Variants in INTS2 observed in about 807,000 individuals in gnomAD.
INTS2 encodes the protein integrator complex subunit 2.
A neutral mutation model predicts 139.6 loss-of-function variants in INTS2; 57 were observed. The observed-to-expected ratio is 0.41, with a 90% CI of 0.33 to 0.51. INTS2 has a LOEUF of 0.51. Ranked by LOEUF, INTS2 falls within the 20% of genes least tolerant of loss-of-function variation. The pLI, the probability that INTS2 is intolerant of heterozygous loss-of-function variation, is 0.28. For missense variants in INTS2, 1,196 were observed against 1,436.7 expected (o/e 0.83, Z 2.71); for synonymous variants, 473 against 493.4 (o/e 0.96, Z 0.55).
rs1195924829 is a variant in INTS2, at chr17:61,865,700, C to T, written c.*1857G>A. 1.3e-5 allele frequency: 2 copies of T among 150,404 alleles called. No homozygotes were observed. Among genetic ancestry groups the T allele is most frequent in the Non-Finnish European group, 3.0e-5 (2 of 67,652 alleles). 9.3% of individuals were successfully genotyped at this position (150,404 alleles called of 1,614,324 possible). A position where few individuals can be genotyped will look rare whatever the true frequency, so the allele number is the denominator to read the frequency against. ...CTATTCACACAAAATATCGCAAGGC[C>T]TCAGTTTAAAAAAAAAAGGAGCAGT... On this transcript the variant is annotated 3_prime_UTR_variant, in exon 25 of 25. Coordinates refer to ENST00000251334, the MANE Select transcript of INTS2 (RefSeq NM_001351695.2). This position sits in a 1 kb window ranked among gnomAD's most constrained non-coding sequence, Gnocchi z 4.8.
intron 8 of INTS2, among the ~76,000 whole-genome samples, chr17:61,906,020 A>G (rs956992768): frequency 1.3e-5 from 2 of 152,158 alleles, no homozygotes; most frequent in Non-Finnish European, 2.9e-5. Flanking sequence ...TTATTGGCCA[A>G]CTGTCTCTTC....
chr17:61,890,969 C>T (rs1234799340), intron 14 of INTS2, among the ~76,000 whole-genome samples: 19 of 100,306 alleles, frequency 1.9e-4, no homozygotes, highest in African/African-American at 7.3e-4. Flanking sequence ...GGTGTCACAG[C>T]AAGACTCCAG....
At position 61,889,772 on chromosome 17, in the gene INTS2, T is replaced by G. The variant is rs753979047; in HGVS notation, c.1984+14A>C. 2.3e-6 allele frequency: 3 copies of G among 1,319,634 alleles called. No homozygotes were observed. Among genetic ancestry groups the G allele is most frequent in the Non-Finnish European group, 3.3e-6 (3 of 920,318 alleles). The allele number at this position is 1,319,634 out of a possible 1,614,324, so 81.7% of individuals were successfully genotyped here. A position where few individuals can be genotyped will look rare whatever the true frequency, so the allele number is the denominator to read the frequency against. ...TAAACTACCACTAGAACCACTCCTC[T>G]ACGTACAACTTACCTAAAGTCTTCG... On this transcript the variant is annotated intron_variant, in intron 15 of 24. Transcript: ENST00000251334.
In INTS2 at chr17:61,869,764, G is replaced by T; in HGVS notation, c.3003C>A (p.Pro1001=). ...GAAAGTGAACAAGCTTAGCAATGTT[G>T]GGATCTGCAATGTACATTTGGTGCA... is the stretch of plus-strand genomic sequence containing the variant. ...CLLHQMYIAD[P]NIAKLVHFQG... Residue 1001 remains proline, a synonymous_variant, in exon 21 of 25, where the codon CCC becomes CCA. Coordinates refer to ENST00000251334, the MANE Select transcript of INTS2 (RefSeq NM_001351695.2). This position sits in a 1 kb window ranked among gnomAD's most constrained non-coding sequence, Gnocchi z 5.4. 6.2e-7 allele frequency: 1 copy of T among 1,613,674 alleles called. No homozygotes were observed. The highest frequency in any genetic ancestry group is 1.1e-5 in the South Asian group (1 of 91,042).
At chr17:61,883,507 A>G (rs2079196379) in intron 16 of INTS2, among the ~76,000 whole-genome samples, 1 of 152,172 alleles carries the variant, frequency 6.6e-6, no homozygotes, top group African/African-American at 2.4e-5. Context: ...TAATCCTAGC[A>G]CTTTGGGAGG....
At chr17:61,906,830 C>CAAAAAAAA (rs60672452) in intron 8 of INTS2, among the ~76,000 whole-genome samples, 4 of 101,914 alleles carry the variant, frequency 3.9e-5, no homozygotes, top group Admixed American at 1.0e-4. Context: ...ACTAAAAATA[C>CAAAAAAAA]AAAAAAAAAA....
In INTS2 at chr17:61,893,713, A is replaced by G. The variant is rs1337292669; in HGVS notation, c.1698+52T>C. Reference sequence around the variant, plus strand: ...CCATCTCAAAAGAAAAAAAATATATATATAAAAATGTAGGGGCATGCTTTT... The same window carrying G: ...CCATCTCAAAAGAAAAAAAATATATGTATAAAAATGTAGGGGCATGCTTTT... On this transcript the variant is annotated intron_variant, in intron 13 of 24. Transcript: ENST00000251334. This position sits in a 1 kb window ranked among gnomAD's most constrained non-coding sequence, Gnocchi z 5.4. 7.5e-7 allele frequency: 1 copy of G among 1,327,064 alleles called. No homozygotes were observed. Among genetic ancestry groups the G allele is most frequent in the Non-Finnish European group, 9.9e-7 (1 of 1,012,578 alleles). The allele number at this position is 1,327,064 out of a possible 1,614,324, so 82.2% of individuals were successfully genotyped here.
intron 15 of INTS2, among the ~76,000 whole-genome samples, 185 bp downstream of exon 15, chr17:61,889,601 G>A (rs1236988949): frequency 6.6e-6 from 1 of 152,126 alleles, no homozygotes; most frequent in Non-Finnish European, 1.5e-5. Context: ...GCCATAAATC[G>A]TGGTTACATA....
chr17:61,869,339 A>T lies in INTS2; in HGVS notation c.3072T>A (p.Ile1024=), dbSNP rs778568009. 2 of 1,607,698 alleles carry T rather than the reference A, an allele frequency of 1.2e-6. No individual in the cohort carries two copies. Among genetic ancestry groups the T allele is most frequent in the Admixed American group, 1.7e-5 (1 of 59,282 alleles). ...CELLPLTVAG[I]PSMHICLDFI... ...AATCTAGACAGATGTGCATAGATGG[A>T]ATACCTGCGACCGTCAGAGGCAAAA... The change falls in exon 22 of 25, where the codon ATT becomes ATA. Residue 1024 remains isoleucine (I), a synonymous_variant. Transcript: ENST00000251334. This position sits in a 1 kb window ranked among gnomAD's most constrained non-coding sequence, Gnocchi z 5.4.
chr17:61,926,687 G>A (rs985625791), intron 1 of INTS2, 25 bp from the exon 2 acceptor site: 6 of 1,560,622 alleles, frequency 3.8e-6, no homozygotes, highest in Non-Finnish European at 5.2e-6. Flanking sequence ...ACAAATGAAA[G>A]TAGGAGTTTA....
intron 13 of INTS2, among the ~76,000 whole-genome samples, chr17:61,892,269 T>A (rs1603376937): frequency 6.6e-6 from 1 of 152,282 alleles, no homozygotes; most frequent in East Asian, 1.9e-4. Flanking sequence ...AAGCAACAAT[T>A]AAAAAGTGAT....
chr17:61,885,207 G>A, intron 15 of INTS2: 1 of 544,974 alleles, frequency 1.8e-6, no homozygotes, highest in South Asian at 2.6e-5. Flanking sequence ...AGCAAGATCT[G>A]GAAAATGTCC....
intron 17 of INTS2, among the ~76,000 whole-genome samples, chr17:61,879,699 A>T (rs896287152): frequency 4.6e-5 from 7 of 152,108 alleles, no homozygotes; most frequent in African/African-American, 9.7e-5. Context: ...AAATACAAAA[A>T]GTAGCTGGGT....
At chr17:61,924,064 A>G (rs1029383101) in intron 3 of INTS2, among the ~76,000 whole-genome samples, 1 of 152,220 alleles carries the variant, frequency 6.6e-6, no homozygotes, top group Non-Finnish European at 1.5e-5. Flanking sequence ...AATTTTACAA[A>G]GAAGATAACT....
At position 61,876,190 on chromosome 17, in the gene INTS2, AT is replaced by A. The variant is rs1235809297; in HGVS notation, c.2457-1153del. The stretch of plus-strand genomic sequence containing the variant: ...ATCTAAAAAGTAAAAATAAAAAATA[AT>A]TTTTTAAAAAATGAACTAGAATTCC... On this transcript the variant is annotated intron_variant, in intron 18 of 24. Coordinates refer to ENST00000251334, the MANE Select transcript of INTS2 (RefSeq NM_001351695.2). This position sits in a 1 kb window ranked among gnomAD's most constrained non-coding sequence, Gnocchi z 4.1. Among the ~76,000 whole-genome samples the A allele has an allele frequency of 2.6e-5, 4 of 152,200 alleles. No individual in the cohort carries two copies. The highest frequency in any genetic ancestry group is 9.6e-5 in the African/African-American group (4 of 41,514).
Position 61,869,143 on chromosome 17 carries a change from C to T in INTS2, c.3139-4G>A. ...AAAGCAACTGGATAGCAAATATCTG[C>T]AATACAAAATCCAGTTATTACATGT... On this transcript the variant is annotated splice_region_variant and splice_polypyrimidine_tract_variant and intron_variant, in intron 22 of 24. Transcript: ENST00000251334. The surrounding 1 kb of genome is among the most constrained non-coding windows in gnomAD (Gnocchi z 5.4). 1.9e-6 allele frequency: 3 copies of T among 1,574,340 alleles called. No homozygotes were observed. The highest frequency in any genetic ancestry group is 2.2e-5 in the South Asian group (2 of 89,060).
At chr17:61,927,537 T>G in intron 1 of INTS2, 117 bp downstream of exon 1, 1 of 582,586 alleles carries the variant, frequency 1.7e-6, no homozygotes, top group Non-Finnish European at 2.3e-6. Flanking sequence ...TGCGTGCTCC[T>G]CCGTCTCGCC....
chr17:61,894,424 T>C (rs988633448), intron 12 of INTS2, among the ~76,000 whole-genome samples: 1 of 152,216 alleles, frequency 6.6e-6, no homozygotes, highest in Non-Finnish European at 1.5e-5. Context: ...TGGTTCAAAT[T>C]TAAAGACAAA....
chr17:61,925,091 A>G lies in INTS2; in HGVS notation c.302T>C (p.Leu101Pro). Residue 101 changes from leucine (L) to proline (P), a missense_variant, in exon 3 of 25, where the codon CTT becomes CCT. Leu to Pro is a moderately conservative substitution (Grantham distance 98, BLOSUM62 -3). Coordinates refer to ENST00000251334, the MANE Select transcript of INTS2 (RefSeq NM_001351695.2). ...ASKEQQLRHKLGGGSGESILV... is the reference protein window; with the variant it reads ...ASKEQQLRHKPGGGSGESILV... The stretch of plus-strand genomic sequence containing the variant: ...GATGCTCTCTCCACTGCCTCCTCCA[A>G]GTTTATGCCTAATGAAGTACAAAAC... 6.2e-7 allele frequency: 1 copy of G among 1,613,496 alleles called. No homozygotes were observed. Among genetic ancestry groups the G allele is most frequent in the Non-Finnish European group, 8.5e-7 (1 of 1,179,456 alleles).
Sources: allele counts gnomAD v4.1 joint callset (sites outside exome capture counted in the v4.1 genomes callset), GRCh38; gene constraint gnomAD v4.1.1; non-coding constraint Gnocchi (gnomAD v3.1); transcripts MANE v1.5; gene names NCBI Gene and HGNC (gene_info 2026-07-23, HGNC 2026-07-21).